Variants in PPP3CB observed in about 807,000 individuals in gnomAD.
PPP3CB encodes the protein protein phosphatase 3 catalytic subunit beta.
In PPP3CB, 8 loss-of-function variants were observed where a neutral mutation model predicts 66.4. That is an observed-to-expected ratio of 0.12 (90% confidence interval 0.07 to 0.22). PPP3CB has a LOEUF of 0.22. Ranked by LOEUF, PPP3CB falls within the 10% of genes least tolerant of loss-of-function variation. PPP3CB has a pLI of 1.00. For missense variants in PPP3CB, 319 were observed against 642.5 expected, an observed-to-expected ratio of 0.50 and a Z score of 5.44; for synonymous variants, 208 against 221.2, an observed-to-expected ratio of 0.94 and a Z score of 0.53.
At chr10:73,445,701 G>A (rs2056237001) in intron 11 of PPP3CB, among the ~76,000 whole-genome samples, 1 of 150,958 alleles carries the variant, frequency 6.6e-6, no homozygotes, top group Admixed American at 6.6e-5. Flanking sequence ...CCAAAGTGTT[G>A]GGATTACAGG....
intron 1 of PPP3CB, among the ~76,000 whole-genome samples, chr10:73,487,291 T>C (rs189040139): frequency 4.8e-4 from 73 of 152,152 alleles, no homozygotes; most frequent in African/African-American, 1.7e-3. Flanking sequence ...CTCATGCCTG[T>C]AATCCCAGTA....
chr10:73,452,101 A>G (rs904168970), intron 10 of PPP3CB, among the ~76,000 whole-genome samples: 1 of 152,186 alleles, frequency 6.6e-6, no homozygotes, highest in African/African-American at 2.4e-5. Flanking sequence ...ATTCAGATAT[A>G]GAATTAACAT....
At chr10:73,482,752 G>A (rs571947800) in intron 1 of PPP3CB, among the ~76,000 whole-genome samples, 3 of 151,592 alleles carry the variant, frequency 2.0e-5, no homozygotes, top group Non-Finnish European at 2.9e-5. Flanking sequence ...CAAGTAGCTC[G>A]GATTACAGGC....
chr10:73,490,308 C>A (rs1007300032), intron 1 of PPP3CB, among the ~76,000 whole-genome samples: 2 of 152,158 alleles, frequency 1.3e-5, no homozygotes, highest in Non-Finnish European at 2.9e-5. Context: ...ATTAACTATA[C>A]CTGTCCTTAT....
intron 9 of PPP3CB, among the ~76,000 whole-genome samples, chr10:73,464,320 A>G (rs1041662169): frequency 6.6e-6 from 1 of 152,206 alleles, no homozygotes; most frequent in African/African-American, 2.4e-5. Context: ...TTATTTATAT[A>G]TATCACAGGT....
chr10:73,458,810 C>G (rs2056473083), intron 9 of PPP3CB, among the ~76,000 whole-genome samples: 1 of 152,066 alleles, frequency 6.6e-6, no homozygotes, highest in African/African-American at 2.4e-5. Flanking sequence ...TGGCTCATGC[C>G]TGTAATCCCA....
intron 13 of PPP3CB, among the ~76,000 whole-genome samples, chr10:73,438,994 T>C (rs2056106987): frequency 6.6e-6 from 1 of 152,216 alleles, no homozygotes; most frequent in African/African-American, 2.4e-5. Flanking sequence ...CTCCAAGAGT[T>C]AGATCTGTGT....
intron 9 of PPP3CB, 62 bp from the exon 10 acceptor site, chr10:73,454,551 A>G (rs2056393767): frequency 2.8e-6 from 3 of 1,084,972 alleles, no homozygotes; most frequent in South Asian, 1.5e-5. Context: ...ACATACACAT[A>G]GCAACTATTT....
chr10:73,478,709 A>C (rs1253634718), intron 2 of PPP3CB, 86 bp from the exon 3 acceptor site: 20 of 1,156,656 alleles, frequency 1.7e-5, no homozygotes, highest in Non-Finnish European at 2.4e-5. Flanking sequence ...TACATAAGAC[A>C]TAGTACAAAT....
intron 10 of PPP3CB, among the ~76,000 whole-genome samples, chr10:73,451,821 C>CTGTA (rs2056349979): frequency 6.7e-6 from 1 of 150,158 alleles, no homozygotes; most frequent in Admixed American, 6.7e-5. Context: ...TCTCGACTCA[C>CTGTA]TGTAACCTCC....
chr10:73,475,225 C>T (rs1459710953), intron 3 of PPP3CB, among the ~76,000 whole-genome samples, 195 bp from the exon 4 acceptor site: 1 of 152,082 alleles, frequency 6.6e-6, no homozygotes, highest in African/African-American at 2.4e-5. Context: ...CAGAAGAGTA[C>T]CTAGCAAATA....
chr10:73,442,181 G>C lies in PPP3CB; in HGVS notation c.1367-2280C>G, dbSNP rs141948699. ...CAAAACTAGAAGCTATCTAGTTTAA[G>C]GGGTCCCAAATTAGACCCCTTAAAC... On this transcript the variant is annotated intron_variant, in intron 12 of 13. Transcript: ENST00000360663. Among the ~76,000 whole-genome samples the C allele has an allele frequency of 4.3e-4, 66 of 152,188 alleles. 1 individual carries two copies. The East Asian group carries it at 0.011, about 26-fold the overall frequency.
chr10:73,462,949 CAAAAAAAAAAA>C (rs10569079), intron 9 of PPP3CB, among the ~76,000 whole-genome samples: 29 of 58,822 alleles, frequency 4.9e-4, no homozygotes, highest in African/African-American at 1.4e-3. Context: ...GACTCTGTCT[CAAAAAAAAAAA>C]AAAAAAAAAA....
intron 9 of PPP3CB, among the ~76,000 whole-genome samples, chr10:73,457,073 T>A (rs528365812): frequency 9.2e-5 from 14 of 151,842 alleles, no homozygotes; most frequent in African/African-American, 3.4e-4. Context: ...ACCTTAAATA[T>A]ACACAATAAA....
chr10:73,452,259 T>C (rs577098476), intron 10 of PPP3CB, among the ~76,000 whole-genome samples: 1 of 152,298 alleles, frequency 6.6e-6, no homozygotes, highest in East Asian at 1.9e-4. Context: ...TACTGTCACT[T>C]CTTTGAACAT....
At chr10:73,495,222 T>C (rs1278331060) in intron 1 of PPP3CB, among the ~76,000 whole-genome samples, 2 of 152,216 alleles carry the variant, frequency 1.3e-5, no homozygotes, top group Non-Finnish European at 2.9e-5. Context: ...TTCCAATTCC[T>C]GCCCCGACCC....
intron 9 of PPP3CB, among the ~76,000 whole-genome samples, chr10:73,459,368 C>T (rs551825166): frequency 2.0e-5 from 3 of 152,280 alleles, no homozygotes; most frequent in East Asian, 3.9e-4. Flanking sequence ...CACCTGTAGT[C>T]CCAGCTACTC....
intron 4 of PPP3CB, among the ~76,000 whole-genome samples, chr10:73,474,667 T>C (rs1350210485): frequency 6.6e-6 from 1 of 151,896 alleles, no homozygotes; most frequent in Non-Finnish European, 1.5e-5. Flanking sequence ...CTCCAACTCC[T>C]GAGCTCAGGC....
chr10:73,466,741 G>A (rs1232486433), intron 9 of PPP3CB, among the ~76,000 whole-genome samples: 1 of 152,162 alleles, frequency 6.6e-6, no homozygotes, highest in African/African-American at 2.4e-5. Context: ...ATCTCATACA[G>A]AAAGGAACAT....
Sources: allele counts gnomAD v4.1 joint callset (sites outside exome capture counted in the v4.1 genomes callset), GRCh38; gene constraint gnomAD v4.1.1; transcripts MANE v1.5; gene names NCBI Gene and HGNC (gene_info 2026-07-23, HGNC 2026-07-21).